The following ATXN7L1 variants were observed in gnomAD, a reference collection of about 807,000 sequenced individuals.
ATXN7L1 encodes ataxin-7-like protein 1.
Under a neutral mutation model 70.8 loss-of-function variants are expected in ATXN7L1, and 15 were observed. The observed-to-expected ratio is 0.21, with a 90% confidence interval of 0.14 to 0.33. ATXN7L1 has a LOEUF of 0.33. Ranked by LOEUF, ATXN7L1 falls within the 10% of genes least tolerant of loss-of-function variation. The pLI is 1.00. For missense variants in ATXN7L1, 975 were observed against 1,097.1 expected (o/e 0.89, Z 1.57); for synonymous variants, 440 against 445.1 (o/e 0.99, Z 0.14).
intron 3 of ATXN7L1, among the ~76,000 whole-genome samples, chr7:105,670,768 CCTAGCCAACAT>C (rs1008707646): frequency 6.6e-6 from 1 of 151,774 alleles, no homozygotes; most frequent in Admixed American, 6.6e-5. Flanking sequence ...TTGAGACCAC[CCTAGCCAACAT>C]GGTGAAACCC....
chr7:105,638,953 C>A (rs1797760124), intron 6 of ATXN7L1, among the ~76,000 whole-genome samples: 1 of 152,116 alleles, frequency 6.6e-6, no homozygotes, highest in African/African-American at 2.4e-5. Flanking sequence ...TCGGCCCAGA[C>A]AAACAGAGCC....
At chr7:105,764,301 G>GA (rs947373110) in intron 3 of ATXN7L1, among the ~76,000 whole-genome samples, 47 of 148,694 alleles carry the variant, frequency 3.2e-4, no homozygotes, top group Middle Eastern at 3.5e-3. Context: ...AAAGCTTAAA[G>GA]AAAAAAAAAA....
intron 3 of ATXN7L1, among the ~76,000 whole-genome samples, chr7:105,694,267 A>T (rs1315795309): frequency 6.6e-6 from 1 of 151,630 alleles, no homozygotes; most frequent in Non-Finnish European, 1.5e-5. Flanking sequence ...GCTGGTCTCG[A>T]TCTCCTGATC....
intron 7 of ATXN7L1, among the ~76,000 whole-genome samples, chr7:105,627,061 T>C (rs1159208539): frequency 6.6e-6 from 1 of 152,218 alleles, no homozygotes; most frequent in African/African-American, 2.4e-5. Flanking sequence ...TTAACAAATC[T>C]TCTGTTGATG....
intron 3 of ATXN7L1, among the ~76,000 whole-genome samples, chr7:105,764,085 C>T (rs969596607): frequency 1.1e-4 from 16 of 151,926 alleles, no homozygotes; most frequent in African/African-American, 3.9e-4. Context: ...AACTCCTGAC[C>T]TCAGGTGATC....
intron 3 of ATXN7L1, among the ~76,000 whole-genome samples, chr7:105,696,671 T>G (rs562696641): frequency 6.6e-6 from 1 of 152,230 alleles, no homozygotes; most frequent in Non-Finnish European, 1.5e-5. Flanking sequence ...TAATTAGTAC[T>G]GGCATGCTTA....
intron 2 of ATXN7L1, among the ~76,000 whole-genome samples, chr7:105,858,669 C>A (rs1816094261): frequency 1.3e-5 from 2 of 152,152 alleles, no homozygotes; most frequent in South Asian, 2.1e-4. Context: ...TATCTTGTAA[C>A]CCCTGGATGG....
chr7:105,686,318 C>T (rs1316086358), intron 3 of ATXN7L1, among the ~76,000 whole-genome samples: 2 of 152,160 alleles, frequency 1.3e-5, no homozygotes. Flanking sequence ...GAGTTCAAGA[C>T]CAGCCTGGCC....
At chr7:105,852,234 C>T (rs1291640346) in intron 2 of ATXN7L1, among the ~76,000 whole-genome samples, 1 of 152,184 alleles carries the variant, frequency 6.6e-6, no homozygotes. Flanking sequence ...ACAGTCCTCC[C>T]CTCATCTCAC....
chr7:105,707,516 C>A (rs997733729), intron 3 of ATXN7L1, among the ~76,000 whole-genome samples: 1 of 152,174 alleles, frequency 6.6e-6, no homozygotes, highest in Non-Finnish European at 1.5e-5. Context: ...CTCCTCACAG[C>A]CTTTGGTATG....
At chr7:105,678,256 A>G (rs1805016971) in intron 3 of ATXN7L1, among the ~76,000 whole-genome samples, 1 of 152,126 alleles carries the variant, frequency 6.6e-6, no homozygotes, top group African/African-American at 2.4e-5. Context: ...AAACACAGCA[A>G]AGGGTCTATT....
At chr7:105,608,049 G>A (rs571446184) in intron 11 of ATXN7L1, among the ~76,000 whole-genome samples, 159 bp from the exon 12 acceptor site, 1 of 152,336 alleles carries the variant, frequency 6.6e-6, no homozygotes, top group Admixed American at 6.5e-5. Flanking sequence ...AAGAGATGAT[G>A]GATCTAAAGG....
At chr7:105,829,874 A>G (rs1357559738) in intron 2 of ATXN7L1, among the ~76,000 whole-genome samples, 1 of 152,254 alleles carries the variant, frequency 6.6e-6, no homozygotes, top group Non-Finnish European at 1.5e-5. Context: ...TGAAAAGAAA[A>G]CAGTAGTTGT....
intron 2 of ATXN7L1, among the ~76,000 whole-genome samples, chr7:105,804,443 A>T (rs1223243920): frequency 1.3e-5 from 2 of 152,184 alleles, no homozygotes; most frequent in African/African-American, 4.8e-5. Context: ...CTCTTGTTGG[A>T]GATGAGTGGA....
chr7:105,659,337 G>A (rs1325940333), intron 4 of ATXN7L1, among the ~76,000 whole-genome samples: 2 of 152,122 alleles, frequency 1.3e-5, no homozygotes, highest in African/African-American at 2.4e-5. Context: ...CATTCAATTC[G>A]ACAAATATTT....
intron 3 of ATXN7L1, among the ~76,000 whole-genome samples, chr7:105,737,528 CGTGTGTGTGTGTGTGTGTGTGTGTGT>C (rs71520935): frequency 6.7e-6 from 1 of 148,616 alleles, no homozygotes; most frequent in Admixed American, 6.7e-5. Flanking sequence ...CTAACGTCCC[CGTGTGTGTGTGTGTGTGTGTGTGTGT>C]GTGTGTGTGT....
chr7:105,741,247 G>A (rs1283121859), intron 3 of ATXN7L1, among the ~76,000 whole-genome samples: 1 of 152,130 alleles, frequency 6.6e-6, no homozygotes, highest in African/African-American at 2.4e-5. Context: ...AGGGTCTTGT[G>A]TATCAGGCTC....
chr7:105,625,031 A>C (rs1204195406), intron 7 of ATXN7L1, among the ~76,000 whole-genome samples: 2 of 152,218 alleles, frequency 1.3e-5, no homozygotes, highest in African/African-American at 4.8e-5. Context: ...AGATCAGGGC[A>C]ATCACCAAAA....
At chr7:105,841,525 T>C (rs2116610874) in intron 2 of ATXN7L1, among the ~76,000 whole-genome samples, 1 of 152,336 alleles carries the variant, frequency 6.6e-6, no homozygotes, top group African/African-American at 2.4e-5. Context: ...CCATCCCACC[T>C]GGGATATGAA....
Sources: gnomAD v4.1 joint callset for allele counts (sites outside exome capture counted in the v4.1 genomes callset) on GRCh38, gnomAD v4.1.1 for gene constraint, MANE v1.5 for transcripts, NCBI Gene and HGNC (gene_info 2026-07-23, HGNC 2026-07-21) for gene names.